DYNC2LI1: variants seen among roughly 807,000 people sequenced by gnomAD.
The protein encoded by DYNC2LI1 is cytoplasmic dynein 2 light intermediate chain 1.
A neutral mutation model predicts 51.9 loss-of-function variants in DYNC2LI1; 45 were observed. The observed-to-expected ratio is 0.87, with a 90% CI of 0.68 to 1.11. The LOEUF is 1.11. Among genes scored for constraint, DYNC2LI1 ranks in the 50% most tolerant of loss-of-function variants. The pLI, the probability that DYNC2LI1 is intolerant of heterozygous loss-of-function variation, is 0.00. For missense variants in DYNC2LI1, 490 were observed against 417.4 expected, an observed-to-expected ratio of 1.17 and a Z score of -1.51; for synonymous variants, 130 against 137.8, an observed-to-expected ratio of 0.94 and a Z score of 0.40.
chr2:43,808,530 C>A (rs1410409917), intron 12 of DYNC2LI1, among the ~76,000 whole-genome samples: 5 of 152,168 alleles, frequency 3.3e-5, no homozygotes, highest in Admixed American at 2.6e-4. Flanking sequence ...CATTGAACAA[C>A]ATGTAGGAGG....
At chr2:43,799,516 C>G (rs572587879) in intron 8 of DYNC2LI1, among the ~76,000 whole-genome samples, 47 of 152,164 alleles carry the variant, frequency 3.1e-4, no homozygotes, top group African/African-American at 1.1e-3. Flanking sequence ...ATTCTAAGGT[C>G]CAGAAAAAGG....
At chr2:43,818,141 T>C in the DYNC2LI1 span, among the ~76,000 whole-genome samples, 1 of 152,124 alleles carries the variant, frequency 6.6e-6, no homozygotes, top group Non-Finnish European at 1.5e-5. Context: ...AACAGGATGA[T>C]TGTATGGCTA....
the DYNC2LI1 span, chr2:43,822,943 T>G: frequency 6.2e-7 from 1 of 1,613,490 alleles, no homozygotes; most frequent in Non-Finnish European, 8.5e-7. Flanking sequence ...GAACTGGGGA[T>G]GGAAGGCAGG....
the DYNC2LI1 span, chr2:43,819,957 A>G: frequency 7.4e-6 from 12 of 1,614,182 alleles, no homozygotes; most frequent in Non-Finnish European, 1.0e-5. Flanking sequence ...AATGGACAGC[A>G]GAGCCACTAC....
At chr2:43,818,884 T>A in the DYNC2LI1 span, among the ~76,000 whole-genome samples, 2 of 152,214 alleles carry the variant, frequency 1.3e-5, no homozygotes, top group African/African-American at 4.8e-5. Context: ...CTCTTTTTTA[T>A]AAATGAGGAA....
At chr2:43,828,107 G>A in the DYNC2LI1 span, 191 of 1,613,970 alleles carry the variant, frequency 1.2e-4, no homozygotes, top group African/African-American at 2.2e-3. Context: ...CTGCCATGAC[G>A]GCCTCCACCT....
chr2:43,801,598 A>G (rs370596528), intron 9 of DYNC2LI1, 41 bp from the exon 10 acceptor site: 15 of 1,501,126 alleles, frequency 1.0e-5, no homozygotes, highest in Middle Eastern at 3.5e-4. Context: ...CAGCAAATCT[A>G]ATTGCTAAAC....
At chr2:43,781,776 G>A (rs968875039) in intron 2 of DYNC2LI1, 2 of 151,658 alleles carry the variant, frequency 1.3e-5, no homozygotes, top group African/African-American at 4.8e-5. Flanking sequence ...TAATTTTTTT[G>A]TATTTTTAGT....
At chr2:43,826,176 T>C in the DYNC2LI1 span, among the ~76,000 whole-genome samples, 2 of 151,622 alleles carry the variant, frequency 1.3e-5, no homozygotes, top group African/African-American at 4.8e-5. Context: ...CTTTTTTTTT[T>C]TTTTAGAGAT....
chr2:43,789,262 A>G, intron 4 of DYNC2LI1, among the ~76,000 whole-genome samples: 1 of 152,160 alleles, frequency 6.6e-6, no homozygotes, highest in East Asian at 1.9e-4. Context: ...ATTTCTATCT[A>G]GAATTATAAA....
At chr2:43,783,915 G>A (rs369065720) in intron 3 of DYNC2LI1, among the ~76,000 whole-genome samples, 16 of 152,108 alleles carry the variant, frequency 1.1e-4, no homozygotes, top group African/African-American at 3.6e-4. Context: ...TTGCTCAGGG[G>A]TACATTTTTG....
the DYNC2LI1 span, chr2:43,819,842 A>C: frequency 6.6e-7 from 1 of 1,506,216 alleles, no homozygotes; most frequent in South Asian, 1.1e-5. Flanking sequence ...GTATTCCTTT[A>C]CTTCAGTCAT....
rs536977133 is a variant in DYNC2LI1, at chr2:43,807,743, CAAAAAAAAAAAAA to C, written c.994-1944_994-1932del. ...TTCTTTTCTATTATTTTTGTTAAAG[CAAAAAAAAAAAAA>C]AAAAAAAAAAAAAAAAAGGTTACAG... On this transcript the variant is annotated intron_variant, in intron 12 of 12. Transcript: ENST00000260605. 5.8e-4 allele frequency among the ~76,000 whole-genome samples: 24 copies of C among 41,632 alleles called. No homozygotes were observed. The South Asian group carries it at 8.0e-3, about 14-fold the overall frequency. 27.3% of individuals were successfully genotyped at this position (41,632 alleles called of 152,430 possible).
chr2:43,825,049 G>T, the DYNC2LI1 span: 1 of 1,611,400 alleles, frequency 6.2e-7, no homozygotes, highest in Non-Finnish European at 8.5e-7. Flanking sequence ...GTTAGTGTGT[G>T]ATCACAAGGG....
chr2:43,807,017 A>G (rs1487177264), intron 12 of DYNC2LI1, among the ~76,000 whole-genome samples: 1 of 152,216 alleles, frequency 6.6e-6, no homozygotes, highest in African/African-American at 2.4e-5. Context: ...ACATAATTTT[A>G]TGCTTTAGCT....
chr2:43,818,067 G>A, the DYNC2LI1 span, among the ~76,000 whole-genome samples: 1 of 152,108 alleles, frequency 6.6e-6, no homozygotes, highest in South Asian at 2.1e-4. Flanking sequence ...ATAAATTGTT[G>A]AATATTTAAT....
At chr2:43,813,280 G>T (rs1666578353), downstream of DYNC2LI1, 4 of 1,613,638 alleles carry the variant, frequency 2.5e-6, no homozygotes, top group Non-Finnish European at 3.4e-6. Context: ...GCACACATTG[G>T]ATTAGTTGTC....
intron 2 of DYNC2LI1, among the ~76,000 whole-genome samples, chr2:43,782,280 G>T (rs984214614): frequency 7.9e-5 from 12 of 151,766 alleles, no homozygotes; most frequent in Non-Finnish European, 1.3e-4. Flanking sequence ...TTTTTATATT[G>T]TACAATTCCA....
intron 3 of DYNC2LI1, among the ~76,000 whole-genome samples, chr2:43,784,001 G>A (rs1673406224): frequency 6.6e-6 from 1 of 152,086 alleles, no homozygotes. Flanking sequence ...TGTAGAAGCA[G>A]GCCATCAGAT....
Sources: gnomAD v4.1 joint callset for allele counts (sites outside exome capture counted in the v4.1 genomes callset) on GRCh38, gnomAD v4.1.1 for gene constraint, MANE v1.5 for transcripts, NCBI Gene and HGNC (gene_info 2026-07-23, HGNC 2026-07-21) for gene names.